Variants in ASXL3 observed in about 807,000 individuals in gnomAD.
The protein encoded by ASXL3 is ASXL transcriptional regulator 3.
Under a neutral mutation model 170.6 loss-of-function variants are expected in ASXL3, and 34 were observed. The observed-to-expected ratio is 0.20, with a 90% CI of 0.15 to 0.27. ASXL3 has a LOEUF of 0.27. Ranked by LOEUF, ASXL3 falls within the 10% of genes least tolerant of loss-of-function variation. The pLI, the probability that ASXL3 is intolerant of heterozygous loss-of-function variation, is 1.00. For missense variants in ASXL3, 2,592 were observed against 2,695.3 expected (o/e 0.96, Z 0.85); for synonymous variants, 1,002 against 989.1 (o/e 1.01, Z -0.24).
At chr18:33,662,657 GT>G (rs776175623) in intron 5 of ASXL3, among the ~76,000 whole-genome samples, 1 of 152,102 alleles carries the variant, frequency 6.6e-6, no homozygotes, top group African/African-American at 2.4e-5. Flanking sequence ...TGAATTCATA[GT>G]TTCCCCTTGT....
chr18:33,649,773 T>C (rs2065969149), intron 4 of ASXL3, among the ~76,000 whole-genome samples: 1 of 152,094 alleles, frequency 6.6e-6, no homozygotes, highest in Admixed American at 6.6e-5. Flanking sequence ...GGAAGTCTCA[T>C]TGGTGTGAAA....
rs899239385 is a variant in ASXL3 at position 33,578,300 on chromosome 18, G to A, written c.-332G>A. The A allele has an allele frequency of 6.8e-5, 10 of 146,708 alleles. No homozygotes were observed. The highest frequency in any genetic ancestry group is 9.1e-5 in the Non-Finnish European group (6 of 66,026). 9.1% of individuals were successfully genotyped at this position (146,708 alleles called of 1,614,324 possible). On this transcript the variant is annotated 5_prime_UTR_variant, in exon 1 of 12. Transcript: ENST00000269197. ...CGGCCGCGGCGGTGGCGCAGCGCGA[G>A]CCCCGCACGAGCGAGCCCGGCCGGC...
intron 2 of ASXL3, among the ~76,000 whole-genome samples, chr18:33,628,260 C>T (rs946713693): frequency 2.6e-5 from 4 of 152,018 alleles, no homozygotes; most frequent in African/African-American, 9.7e-5. Context: ...GCCTCGGTCT[C>T]GCCCATTCCA....
chr18:33,624,954 A>G (rs2065577277), intron 2 of ASXL3, among the ~76,000 whole-genome samples: 1 of 152,134 alleles, frequency 6.6e-6, no homozygotes, highest in African/African-American at 2.4e-5. Flanking sequence ...TATTTTAATT[A>G]TGAACAGTAA....
In ASXL3 at chr18:33,744,754, C is replaced by G. The variant is rs760290291; in HGVS notation, c.4906C>G (p.Gln1636Glu). The change falls in exon 12 of 12, where the codon CAA becomes GAA. Residue 1636 changes from glutamine (Q) to glutamate (E), a missense_variant. Gln to Glu is a conservative substitution (Grantham distance 29). Around this residue, in one of 4 missense-constraint regions of ASXL3, gnomAD observed 2,246 missense variants for 2,219.6 expected, o/e 1.01. Transcript: ENST00000269197. ...AAGTAAACAAAAAGAATATCTAGAG[C>G]AAAGCTGTCCAAAGGCTATCAAAAC... Reference protein sequence around the residue: ...GSSKQKEYLEQSCPKAIKTEH... With the variant: ...GSSKQKEYLEESCPKAIKTEH... The G allele has an allele frequency of 1.9e-6, 3 of 1,614,020 alleles. No individual in the cohort carries two copies. The South Asian group carries it at 3.3e-5, about 18-fold the overall frequency.
At chr18:33,589,953 G>A (rs1243583271) in intron 1 of ASXL3, among the ~76,000 whole-genome samples, 2 of 152,022 alleles carry the variant, frequency 1.3e-5, no homozygotes, top group African/African-American at 4.8e-5. Flanking sequence ...GAGATTTAGA[G>A]TGTGTATTAG....
At chr18:33,664,200 C>T (rs1275526223) in intron 5 of ASXL3, among the ~76,000 whole-genome samples, 1 of 152,120 alleles carries the variant, frequency 6.6e-6, no homozygotes, top group Non-Finnish European at 1.5e-5. Context: ...AGACCCAAGT[C>T]AGGTAACTTG....
rs893950008 is a variant in ASXL3 at position 33,739,479 on chromosome 18, C to A, written c.2075C>A (p.Ala692Glu). The A allele has an allele frequency of 4.3e-6, 7 of 1,613,810 alleles. No homozygotes were observed. The highest frequency in any genetic ancestry group is 5.1e-6 in the Non-Finnish European group (6 of 1,179,864). The change falls in exon 11 of 12, where the codon GCA (alanine) becomes GAA (glutamate). Residue 692 changes from alanine to glutamate, a missense_variant. Ala to Glu is a moderately radical substitution (Grantham distance 107). This residue lies in a region of ASXL3 where 2,246 missense variants were observed against 2,219.6 expected (regional missense o/e 1.01). Transcript: ENST00000269197. The part of the protein sequence containing the change: ...PISTSPEISE[A>E]SLMSNLPLTS... ...TCCACTTCACCTGAAATATCAGAAG[C>A]ATCTCTTATGTCCAACTTACCATTA...
rs749147092 is a variant in ASXL3, at chr18:33,739,504, A to G, written c.2100A>G (p.Leu700=). ...CATCTCTTATGTCCAACTTACCATT[A>G]ACATCTGAAGCATCACCAGTATCCA... is the stretch of plus-strand genomic sequence containing the variant. ...SEASLMSNLP[L]TSEASPVSNL... The change falls in exon 11 of 12, where the codon TTA becomes TTG. Residue 700 remains leucine (L), a synonymous_variant. Transcript: ENST00000269197. 8.7e-6 allele frequency: 14 copies of G among 1,613,920 alleles called. No individual in the cohort carries two copies. The highest frequency in any genetic ancestry group is 3.3e-5 in the South Asian group (3 of 91,084).
At chr18:33,727,376 T>C (rs1448396297) in intron 8 of ASXL3, among the ~76,000 whole-genome samples, 1 of 152,174 alleles carries the variant, frequency 6.6e-6, no homozygotes, top group Non-Finnish European at 1.5e-5. Context: ...CTTCAAACAT[T>C]GTATGATATG....
At chr18:33,589,168 A>T (rs938023361) in intron 1 of ASXL3, among the ~76,000 whole-genome samples, 33 of 152,202 alleles carry the variant, frequency 2.2e-4, no homozygotes, top group African/African-American at 8.0e-4. Context: ...GACCTTGAGA[A>T]AGTTACATAA....
chr18:33,590,111 G>GTTTT (rs567969303), intron 1 of ASXL3, among the ~76,000 whole-genome samples: 20 of 83,182 alleles, frequency 2.4e-4, no homozygotes, highest in African/African-American at 1.2e-3. Flanking sequence ...TGCTTTCTAT[G>GTTTT]TTTTTTTTTT....
chr18:33,656,574 T>G (rs1389069277), intron 4 of ASXL3, among the ~76,000 whole-genome samples: 1 of 152,128 alleles, frequency 6.6e-6, no homozygotes. Flanking sequence ...GCATTGTGAT[T>G]TCTAATTTTG....
At chr18:33,628,150 G>A (rs1171390514) in intron 2 of ASXL3, among the ~76,000 whole-genome samples, 1 of 152,070 alleles carries the variant, frequency 6.6e-6, no homozygotes, top group African/African-American at 2.4e-5. Flanking sequence ...TGAGAAGTGG[G>A]TGCTGTTTCT....
chr18:33,652,615 A>AC (rs925134246), intron 4 of ASXL3, among the ~76,000 whole-genome samples: 6 of 151,532 alleles, frequency 4.0e-5, no homozygotes, highest in African/African-American at 1.5e-4. Context: ...AAAAAAAAAA[A>AC]AGAACATGAA....
chr18:33,596,953 C>G lies in ASXL3; in HGVS notation c.55-10641C>G, dbSNP rs549226347. On this transcript the variant is annotated intron_variant, in intron 1 of 11. Transcript: ENST00000269197. ...ACCTTAGCCTCCTAAGTAGCTAGGA[C>G]TAGCACGTGCCACCACGCTTGGCTA... Among the ~76,000 whole-genome samples the G allele has an allele frequency of 2.0e-5, 3 of 152,098 alleles. No individual in the cohort carries two copies. In the South Asian group the frequency reaches 6.2e-4, roughly 31 times the overall value.
chr18:33,605,990 A>T (rs943444180), intron 1 of ASXL3, among the ~76,000 whole-genome samples: 1 of 151,946 alleles, frequency 6.6e-6, no homozygotes, highest in Admixed American at 6.6e-5. Flanking sequence ...ATCTCCTTTC[A>T]GTAATTCATA....
At chr18:33,721,028 C>T (rs577957452) in intron 8 of ASXL3, among the ~76,000 whole-genome samples, 1 of 152,088 alleles carries the variant, frequency 6.6e-6, no homozygotes, top group Non-Finnish European at 1.5e-5. Context: ...TTGCTTTTAA[C>T]ATTGCATACA....
intron 1 of ASXL3, among the ~76,000 whole-genome samples, chr18:33,580,867 G>A (rs761287599): frequency 6.6e-6 from 1 of 152,060 alleles, no homozygotes; most frequent in Non-Finnish European, 1.5e-5. Flanking sequence ...CCTGGTAGTT[G>A]TATAAATGTG....
Sources: gnomAD v4.1 joint callset for allele counts (sites outside exome capture counted in the v4.1 genomes callset) on GRCh38, gnomAD v4.1.1 for gene constraint, gnomAD v4.1.1 regional missense constraint, MANE v1.5 for transcripts, NCBI Gene and HGNC (gene_info 2026-07-23, HGNC 2026-07-21) for gene names.